TMEM132B: variants seen among roughly 807,000 people sequenced by gnomAD.
TMEM132B encodes the protein transmembrane protein 132B.
In TMEM132B, 18 loss-of-function variants were observed where a neutral mutation model predicts 90.8. The observed-to-expected ratio is 0.20, with a 90% CI of 0.14 to 0.29. The LOEUF (loss-of-function observed/expected upper bound fraction) is 0.29. TMEM132B is among the 10% of genes least tolerant of loss of function. The pLI is 1.00. For missense variants in TMEM132B, 1,096 were observed against 1,326.8 expected (o/e 0.83, Z 2.70); for synonymous variants, 504 against 523.3 (o/e 0.96, Z 0.50).
chr12:125,336,299 T>C (rs1299543332), intron 1 of TMEM132B, among the ~76,000 whole-genome samples: 1 of 152,212 alleles, frequency 6.6e-6, no homozygotes, highest in Non-Finnish European at 1.5e-5. Context: ...TTGGGACTTA[T>C]CCATGATGCT....
intron 2 of TMEM132B, among the ~76,000 whole-genome samples, chr12:125,367,477 G>A (rs1878169305): frequency 6.6e-6 from 1 of 152,124 alleles, no homozygotes; most frequent in South Asian, 2.1e-4. Flanking sequence ...ATATTGACAG[G>A]TAGAATTTGA....
chr12:125,488,739 A>G (rs551046030), intron 3 of TMEM132B, among the ~76,000 whole-genome samples: 1 of 152,310 alleles, frequency 6.6e-6, no homozygotes, highest in South Asian at 2.1e-4. Flanking sequence ...GCATCTAATT[A>G]TCTGGGTCTG....
chr12:125,373,183 T>C (rs187855629), intron 2 of TMEM132B, among the ~76,000 whole-genome samples: 171 of 152,346 alleles, frequency 1.1e-3, no homozygotes, highest in African/African-American at 3.7e-3. Flanking sequence ...AAGAACTATA[T>C]GTGGCATGTA....
intron 1 of TMEM132B, among the ~76,000 whole-genome samples, chr12:125,324,109 A>G (rs1249278852): frequency 6.6e-6 from 1 of 152,248 alleles, no homozygotes; most frequent in African/African-American, 2.4e-5. Context: ...ACTTCAGATC[A>G]GAAAAATGGA....
intron 1 of TMEM132B, among the ~76,000 whole-genome samples, chr12:125,197,433 T>C (rs1352649618): frequency 6.6e-6 from 1 of 152,234 alleles, no homozygotes; most frequent in Non-Finnish European, 1.5e-5. Context: ...GGCTCCTGAC[T>C]TGTTGCTTGT....
intron 3 of TMEM132B, among the ~76,000 whole-genome samples, chr12:125,499,455 C>T (rs938939487): frequency 7.9e-5 from 12 of 152,160 alleles, no homozygotes; most frequent in East Asian, 1.9e-4. Flanking sequence ...GCCAACAGCG[C>T]GTGATGTGCT....
chr12:125,370,949 G>A (rs1878276847), intron 2 of TMEM132B, among the ~76,000 whole-genome samples: 1 of 152,168 alleles, frequency 6.6e-6, no homozygotes. Flanking sequence ...AAGCTGAGGA[G>A]CAAGGAAGCC....
At chr12:125,555,721 A>T (rs185646040) in intron 4 of TMEM132B, among the ~76,000 whole-genome samples, 12,988 of 150,598 alleles carry the variant, frequency 0.086, 695 homozygotes, top group East Asian at 0.15. Context: ...AGTAAAAAAA[A>T]ATATATATAT....
At chr12:125,481,284 G>C (rs867226470) in intron 3 of TMEM132B, among the ~76,000 whole-genome samples, 1 of 152,206 alleles carries the variant, frequency 6.6e-6, no homozygotes, top group African/African-American at 2.4e-5. Flanking sequence ...AGAAAGAAAG[G>C]GTATTCAATT....
intron 1 of TMEM132B, among the ~76,000 whole-genome samples, chr12:125,307,442 C>T (rs1876000739): frequency 6.6e-6 from 1 of 152,086 alleles, no homozygotes; most frequent in South Asian, 2.1e-4. Context: ...TGGGATCCTT[C>T]CTGTAAAATA....
chr12:125,340,896 G>T (rs1265875261), intron 1 of TMEM132B, among the ~76,000 whole-genome samples: 1 of 152,244 alleles, frequency 6.6e-6, no homozygotes, highest in Non-Finnish European at 1.5e-5. Flanking sequence ...ATCCTCGTAA[G>T]CTCACAATGT....
chr12:125,658,886 C>T lies in TMEM132B; in HGVS notation c.*4176C>T, dbSNP rs1887139550. On this transcript the variant is annotated 3_prime_UTR_variant, in exon 9 of 9. Coordinates refer to ENST00000682704, the MANE Select transcript of TMEM132B (RefSeq NM_001366854.1). ...GGATTGATGATGGAATCTGCCAGAA[C>T]ATTTTCATCTTATTCTTCTTGACTT... The T allele has an allele frequency of 6.6e-6, 1 of 152,170 alleles. No individual in the cohort carries two copies. The highest frequency in any genetic ancestry group is 6.5e-5 in the Admixed American group (1 of 15,272). 9.4% of individuals were successfully genotyped at this position (152,170 alleles called of 1,614,324 possible). A position where few individuals can be genotyped will look rare whatever the true frequency, so the allele number is the denominator to read the frequency against.
intron 4 of TMEM132B, among the ~76,000 whole-genome samples, chr12:125,545,066 C>G (rs944891347): frequency 6.6e-6 from 1 of 152,090 alleles, no homozygotes; most frequent in East Asian, 1.9e-4. Flanking sequence ...ACTGAGTAAG[C>G]GTGACCTCCA....
At chr12:125,647,935 G>C (rs1886807727) in intron 6 of TMEM132B, among the ~76,000 whole-genome samples, 1 of 147,918 alleles carries the variant, frequency 6.8e-6, no homozygotes, top group Non-Finnish European at 1.5e-5. Flanking sequence ...TAAGTTTTAG[G>C]GTACATGTGC....
At position 125,655,218 on chromosome 12, in the gene TMEM132B, A is replaced by G. The variant is rs1444033858; in HGVS notation, c.*508A>G. ...ATTTGCACCTGCACCTGTTCCTTTG[A>G]CCTCTGGAATTCTTTTTGAAACATG... is the stretch of plus-strand genomic sequence containing the variant. On this transcript the variant is annotated 3_prime_UTR_variant, in exon 9 of 9. Transcript: ENST00000682704. The G allele has an allele frequency of 6.6e-6, 1 of 152,514 alleles. No individual in the cohort carries two copies. Among genetic ancestry groups the G allele is most frequent in the African/African-American group, 2.4e-5 (1 of 41,430 alleles). 9.4% of individuals were successfully genotyped at this position (152,514 alleles called of 1,614,324 possible).
intron 3 of TMEM132B, among the ~76,000 whole-genome samples, chr12:125,435,080 G>A (rs1038044903): frequency 2.0e-5 from 3 of 152,162 alleles, no homozygotes; most frequent in Non-Finnish European, 4.4e-5. Flanking sequence ...CTCTTCTTAA[G>A]GGGAGCAGGG....
At chr12:125,190,525 G>T (rs1593035103) in intron 1 of TMEM132B, among the ~76,000 whole-genome samples, 1 of 134,714 alleles carries the variant, frequency 7.4e-6, no homozygotes, top group African/African-American at 3.1e-5. Context: ...ATGGTGATGG[G>T]GAAGGGGTGG....
chr12:125,207,211 G>C (rs1873204465), intron 1 of TMEM132B, among the ~76,000 whole-genome samples: 1 of 152,220 alleles, frequency 6.6e-6, no homozygotes, highest in Non-Finnish European at 1.5e-5. Context: ...CAGCAGTGGG[G>C]CCGGTAGCAC....
intron 1 of TMEM132B, among the ~76,000 whole-genome samples, chr12:125,240,781 C>T (rs988021170): frequency 5.9e-5 from 9 of 152,292 alleles, no homozygotes; most frequent in African/African-American, 2.2e-4. Context: ...GAGCTCACTG[C>T]AGTGTGTGAT....
Sources: allele counts gnomAD v4.1 joint callset (sites outside exome capture counted in the v4.1 genomes callset), GRCh38; gene constraint gnomAD v4.1.1; transcripts MANE v1.5; gene names NCBI Gene and HGNC (gene_info 2026-07-23, HGNC 2026-07-21).